The following ZNF516 variants were observed in gnomAD, a reference collection of about 807,000 sequenced individuals.
The protein encoded by ZNF516 is zinc finger protein 516.
A neutral mutation model predicts 79.7 loss-of-function variants in ZNF516; 19 were observed. That is an observed-to-expected ratio of 0.24 (90% CI 0.17 to 0.35). The LOEUF is 0.35. Ranked by LOEUF, ZNF516 falls within the 10% of genes least tolerant of loss-of-function variation. ZNF516 has a pLI of 1.00. For missense variants in ZNF516, 1,678 were observed against 1,679.5 expected (o/e 1.00, Z 0.02); for synonymous variants, 877 against 739.5 (o/e 1.19, Z -3.02).
intron 3 of ZNF516, among the ~76,000 whole-genome samples, chr18:76,426,473 A>G (rs971965555): frequency 2.6e-5 from 4 of 152,280 alleles, no homozygotes; most frequent in Non-Finnish European, 4.4e-5. Flanking sequence ...TTTCAGATAA[A>G]TAACAAATGA....
rs540836909 is a variant in ZNF516 at position 76,385,352 on chromosome 18, C to T, written c.1811-5049G>A. Among the ~76,000 whole-genome samples the T allele has an allele frequency of 3.9e-4, 60 of 152,352 alleles. No individual in the cohort carries two copies. In the South Asian group the frequency reaches 7.9e-3, roughly 20 times the overall value. ...GGGCCCAGGGAGTGGCAGACTTGCA[C>T]TGTCTGAAGTCCCTGAGGCAACATC... is the stretch of plus-strand genomic sequence containing the variant. On this transcript the variant is annotated intron_variant, in intron 3 of 6. Coordinates refer to ENST00000443185, the MANE Select transcript of ZNF516 (RefSeq NM_014643.4).
At chr18:76,365,827 C>T (rs907896791) in intron 6 of ZNF516, among the ~76,000 whole-genome samples, 2 of 152,204 alleles carry the variant, frequency 1.3e-5, no homozygotes, top group African/African-American at 4.8e-5. Context: ...AGCTTGTCTA[C>T]GATCGAGGCA....
intron 1 of ZNF516, among the ~76,000 whole-genome samples, chr18:76,484,402 C>G (rs920476591): frequency 6.6e-6 from 1 of 152,106 alleles, no homozygotes. Flanking sequence ...GAAACATAAA[C>G]AATCACGAAA....
Position 76,493,034 on chromosome 18 carries a change from G to A in ZNF516, c.-272+2110C>T, listed in dbSNP as rs112896415. Reference sequence around the variant, plus strand: ...CCTCCGGGATGGAGAAAGCCGCTGCGGATTGGCCAGCAGAGCCGTCACTCA... The same window carrying A: ...CCTCCGGGATGGAGAAAGCCGCTGCAGATTGGCCAGCAGAGCCGTCACTCA... On this transcript the variant is annotated intron_variant, in intron 1 of 6. Coordinates refer to ENST00000443185, the MANE Select transcript of ZNF516 (RefSeq NM_014643.4). The surrounding 1 kb of genome is among the most constrained non-coding windows in gnomAD (Gnocchi z 5.2). 6.1e-6 allele frequency: 6 copies of A among 985,266 alleles called. No homozygotes were observed. The African/African-American group carries it at 7.0e-5, about 11-fold the overall frequency. 61.0% of individuals were successfully genotyped at this position (985,266 alleles called of 1,614,324 possible). A position where few individuals can be genotyped will look rare whatever the true frequency, so the allele number is the denominator to read the frequency against.
chr18:76,482,091 T>C (rs565473269), intron 1 of ZNF516, among the ~76,000 whole-genome samples: 2 of 152,324 alleles, frequency 1.3e-5, no homozygotes, highest in South Asian at 4.1e-4. Flanking sequence ...AAGTTGACTT[T>C]AGCGCTAATG....
intron 3 of ZNF516, among the ~76,000 whole-genome samples, chr18:76,439,200 GTC>G (rs753476679): frequency 2.0e-5 from 3 of 152,170 alleles, no homozygotes; most frequent in Non-Finnish European, 4.4e-5. Context: ...ATGGAACACG[GTC>G]TCTCTCTCCT....
chr18:76,450,959 G>A (rs559256132), intron 2 of ZNF516, among the ~76,000 whole-genome samples: 41 of 152,230 alleles, frequency 2.7e-4, no homozygotes, highest in Admixed American at 1.5e-3. Flanking sequence ...AAAAGGCACC[G>A]GAAGGCTAAC....
At chr18:76,491,821 G>A (rs187468544) in intron 1 of ZNF516, 1,885 of 152,300 alleles carry the variant, frequency 0.012, 24 homozygotes, top group Admixed American at 0.024. Context: ...ACCGAAATAG[G>A]AATGATTTAA....
At chr18:76,403,742 C>G (rs749690435) in intron 3 of ZNF516, among the ~76,000 whole-genome samples, 4 of 152,208 alleles carry the variant, frequency 2.6e-5, no homozygotes, top group Non-Finnish European at 5.9e-5. Flanking sequence ...CACACACATA[C>G]CACGAGCGAA....
chr18:76,385,238 A>ATGGATTAGG (rs2074968145), intron 3 of ZNF516, among the ~76,000 whole-genome samples: 1 of 152,114 alleles, frequency 6.6e-6, no homozygotes, highest in African/African-American at 2.4e-5. Context: ...AAACACAAAC[A>ATGGATTAGG]TGGATTAGGT....
chr18:76,432,739 T>C (rs2071455626), intron 3 of ZNF516, among the ~76,000 whole-genome samples: 1 of 152,168 alleles, frequency 6.6e-6, no homozygotes, highest in South Asian at 2.1e-4. Context: ...CCAACCTCTC[T>C]CTAGGAAGCC....
At chr18:76,474,686 A>T (rs613659) in intron 1 of ZNF516, among the ~76,000 whole-genome samples, 1 of 152,086 alleles carries the variant, frequency 6.6e-6, no homozygotes, top group Non-Finnish European at 1.5e-5. Flanking sequence ...AAGAAAAACT[A>T]CAGTAAAACT....
chr18:76,472,523 C>T (rs142321251), intron 1 of ZNF516, among the ~76,000 whole-genome samples: 18 of 152,370 alleles, frequency 1.2e-4, no homozygotes, highest in Non-Finnish European at 5.9e-5. Flanking sequence ...GCGACACGTG[C>T]GCTCACACGC....
chr18:76,411,726 A>C (rs1004885307), intron 3 of ZNF516, among the ~76,000 whole-genome samples: 12 of 152,318 alleles, frequency 7.9e-5, no homozygotes, highest in African/African-American at 2.9e-4. Flanking sequence ...CAAAGACCTG[A>C]AACCTCATCT....
In ZNF516 at chr18:76,370,565, G is replaced by A; in HGVS notation, c.3395C>T (p.Ser1132Phe). The A allele has an allele frequency of 6.2e-7, 1 of 1,607,458 alleles. No homozygotes were observed. The highest frequency in any genetic ancestry group is 1.1e-5 in the South Asian group (1 of 89,482). Residue 1132 changes from serine (S) to phenylalanine (F), a missense_variant, in exon 6 of 7, where the codon TCT (serine) becomes TTT (phenylalanine). Ser to Phe is a radical substitution (Grantham distance 155). Around this residue, in one of 5 missense-constraint regions of ZNF516, gnomAD observed 1,294 missense variants for 1,248.3 expected, o/e 1.04. Transcript: ENST00000443185. The part of the protein sequence containing the change: ...VVFESDGPRG[S>F]EVHTTSADAP... ...GTCTGCGGAGGTGGTATGAACTTCA[G>A]AACCCCGAGGCCCATCGGACTCAAA...
chr18:76,380,140 T>C lies in ZNF516; in HGVS notation c.1974A>G (p.Arg658=). The C allele has an allele frequency of 1.2e-6, 2 of 1,613,932 alleles. No individual in the cohort carries two copies. Residue 658 remains arginine (R), a synonymous_variant, in exon 4 of 7, where the codon AGA becomes AGG. Transcript: ENST00000443185. ...ASVSILENSS[R]ETSRRQEQHR... Reference sequence around the variant, plus strand: ...GCTGCTCTTGCCTTCTAGAAGTCTCTCTGCTACTGTTTTCAAGTATGGACA... The same window carrying C: ...GCTGCTCTTGCCTTCTAGAAGTCTCCCTGCTACTGTTTTCAAGTATGGACA...
chr18:76,479,591 T>G (rs980021684), intron 1 of ZNF516, among the ~76,000 whole-genome samples: 4 of 152,166 alleles, frequency 2.6e-5, no homozygotes, highest in African/African-American at 9.7e-5. Flanking sequence ...ACACCACATG[T>G]GGAACTAGAT....
At chr18:76,378,779 G>A (rs570092654) in intron 4 of ZNF516, 76 bp downstream of exon 4, 246 of 1,522,272 alleles carry the variant, frequency 1.6e-4, no homozygotes, top group East Asian at 4.0e-4. Flanking sequence ...AGGCAGGTGC[G>A]CAGCAGCCCT....
upstream of ZNF516, chr18:76,495,305 C>A (rs1380466081): frequency 6.9e-6 from 1 of 144,918 alleles, no homozygotes; most frequent in Non-Finnish European, 1.5e-5. Flanking sequence ...GGGCCCGCCA[C>A]GCGCCCGGCC....
Sources: allele counts gnomAD v4.1 joint callset (sites outside exome capture counted in the v4.1 genomes callset), GRCh38; gene constraint gnomAD v4.1.1; regional missense constraint gnomAD v4.1.1; non-coding constraint Gnocchi (gnomAD v3.1); transcripts MANE v1.5; gene names NCBI Gene and HGNC (gene_info 2026-07-23, HGNC 2026-07-21).